The following STK32B variants were observed in gnomAD, a reference collection of about 807,000 sequenced individuals.
The protein encoded by STK32B is serine/threonine-protein kinase 32B.
Under a neutral mutation model 52.6 loss-of-function variants are expected in STK32B, and 43 were observed. The observed-to-expected ratio is 0.82, with a 90% CI of 0.64 to 1.05. The LOEUF (loss-of-function observed/expected upper bound fraction) is 1.05, where lower values mean the gene tolerates loss of function less well. Ranked by LOEUF, STK32B falls within the 50% of genes least tolerant of loss-of-function variation. The pLI is 0.00. For synonymous variants in STK32B, 238 were observed against 204.3 expected, an observed-to-expected ratio of 1.17 and a Z score of -1.41; for missense variants, 621 against 534.6, an observed-to-expected ratio of 1.16 and a Z score of -1.59.
intron 11 of STK32B, among the ~76,000 whole-genome samples, chr4:5,496,522 G>A (rs142474409): frequency 0.036 from 5,326 of 150,012 alleles, 177 homozygotes; most frequent in Non-Finnish European, 0.05. Context: ...GACCCCTTGC[G>A]CTTCCCGAGT....
intron 6 of STK32B, among the ~76,000 whole-genome samples, chr4:5,424,224 G>GA (rs1283998694): frequency 6.6e-6 from 1 of 152,166 alleles, no homozygotes. Flanking sequence ...AAGGGGTGCT[G>GA]AGGGTGGCTC....
At chr4:5,463,556 TCA>T (rs1291522511) in intron 9 of STK32B, among the ~76,000 whole-genome samples, 3 of 151,750 alleles carry the variant, frequency 2.0e-5, no homozygotes, top group African/African-American at 7.3e-5. Context: ...ACACACAGTC[TCA>T]CACACATACC....
intron 3 of STK32B, among the ~76,000 whole-genome samples, chr4:5,257,177 G>C (rs143562171): frequency 3.0e-4 from 45 of 152,296 alleles, no homozygotes; most frequent in African/African-American, 1.0e-3. Flanking sequence ...ATGAATGAGT[G>C]AGTGCACAGG....
intron 4 of STK32B, among the ~76,000 whole-genome samples, chr4:5,339,896 A>T (rs1223372855): frequency 1.3e-5 from 2 of 152,128 alleles, no homozygotes; most frequent in Middle Eastern, 3.2e-3. Flanking sequence ...GTCTGGGGGA[A>T]CTGGCCTTGA....
chr4:5,119,324 C>T (rs78973103), intron 1 of STK32B, among the ~76,000 whole-genome samples: 5 of 152,242 alleles, frequency 3.3e-5, no homozygotes, highest in South Asian at 2.1e-4. Context: ...ATTCTCTTAG[C>T]TGGAAGGACT....
intron 6 of STK32B, among the ~76,000 whole-genome samples, chr4:5,440,845 T>C (rs1453747116): frequency 1.3e-5 from 2 of 152,004 alleles, no homozygotes; most frequent in African/African-American, 4.8e-5. Context: ...AGGCCTTTTC[T>C]GCATCTATTG....
intron 1 of STK32B, among the ~76,000 whole-genome samples, chr4:5,127,315 G>T (rs575004153): frequency 3.3e-4 from 51 of 152,322 alleles, no homozygotes; most frequent in Non-Finnish European, 1.5e-4. Flanking sequence ...TTCCTGGTGA[G>T]GTTCACCTGG....
chr4:5,327,067 G>A (rs778968704), intron 3 of STK32B, among the ~76,000 whole-genome samples: 1 of 151,938 alleles, frequency 6.6e-6, no homozygotes, highest in Non-Finnish European at 1.5e-5. Context: ...TTATCCTTAG[G>A]GGAAACAACT....
intron 3 of STK32B, among the ~76,000 whole-genome samples, chr4:5,241,379 T>A (rs1725011324): frequency 6.6e-6 from 1 of 152,096 alleles, no homozygotes; most frequent in South Asian, 2.1e-4. Flanking sequence ...GCATAATAAT[T>A]TTCTTTAACA....
intron 11 of STK32B, among the ~76,000 whole-genome samples, chr4:5,474,434 G>T (rs190147644): frequency 1.7e-3 from 253 of 152,328 alleles, no homozygotes; most frequent in Non-Finnish European, 2.8e-3. Flanking sequence ...CTTTACCAAG[G>T]TCTGTGCCAT....
At position 5,284,924 on chromosome 4, in the gene STK32B, G is replaced by GAA. The variant is rs1195919068; in HGVS notation, c.261-46292_261-46291dup. On this transcript the variant is annotated intron_variant, in intron 3 of 11. Transcript: ENST00000282908. The stretch of plus-strand genomic sequence containing the variant: ...GTGCTAGAAACGCTCCCAAGAAACA[G>GAA]AAAAATCATGACATTACAAGAAAAA... 2.0e-5 allele frequency among the ~76,000 whole-genome samples: 3 copies of GAA among 152,254 alleles called. No individual in the cohort carries two copies. In the East Asian group the frequency reaches 5.8e-4, roughly 29 times the overall value.
At chr4:5,425,375 T>A (rs1713004958) in intron 6 of STK32B, among the ~76,000 whole-genome samples, 1 of 152,184 alleles carries the variant, frequency 6.6e-6, no homozygotes, top group African/African-American at 2.4e-5. Context: ...GAAAGTGAAG[T>A]TTGCTTCCCA....
Position 5,235,233 on chromosome 4 carries a change from A to G in STK32B, c.260+66783A>G, listed in dbSNP as rs577606714. On this transcript the variant is annotated intron_variant, in intron 3 of 11. Transcript: ENST00000282908. The stretch of plus-strand genomic sequence containing the variant: ...TGCCTGTTGCACATGGTGGTTGTAC[A>G]AAATGCTGTGTACACTGCACATGTG... Among the ~76,000 whole-genome samples, 12 of 152,370 alleles carry G rather than the reference A, an allele frequency of 7.9e-5. No individual in the cohort carries two copies. In the East Asian group the frequency reaches 2.1e-3, roughly 27 times the overall value.
At chr4:5,479,375 T>C (rs1718507238) in intron 11 of STK32B, among the ~76,000 whole-genome samples, 2 of 152,274 alleles carry the variant, frequency 1.3e-5, no homozygotes, top group South Asian at 2.1e-4. Context: ...CACCTCACCC[T>C]CCCAAAGTGC....
chr4:5,260,685 G>A (rs1051436455), intron 3 of STK32B, among the ~76,000 whole-genome samples: 6 of 152,196 alleles, frequency 3.9e-5, no homozygotes, highest in East Asian at 1.9e-4. Context: ...CATGTCAGAC[G>A]GGAGAGGTGG....
At chr4:5,354,300 C>G (rs991705563) in intron 4 of STK32B, among the ~76,000 whole-genome samples, 2 of 152,188 alleles carry the variant, frequency 1.3e-5, no homozygotes, top group African/African-American at 2.4e-5. Context: ...GAGTCTCACT[C>G]TGTGGCCCAG....
intron 3 of STK32B, among the ~76,000 whole-genome samples, chr4:5,281,121 G>A (rs1157507611): frequency 6.6e-6 from 1 of 150,778 alleles, no homozygotes; most frequent in African/African-American, 2.5e-5. Context: ...AAGGGGGAAG[G>A]GCTGCACACT....
chr4:5,255,538 T>C (rs1172482581), intron 3 of STK32B, among the ~76,000 whole-genome samples: 1 of 152,158 alleles, frequency 6.6e-6, no homozygotes, highest in African/African-American at 2.4e-5. Flanking sequence ...CAAATCAAGA[T>C]ACGGAACATT....
intron 11 of STK32B, among the ~76,000 whole-genome samples, chr4:5,474,302 T>C (rs1317751949): frequency 6.6e-6 from 1 of 152,156 alleles, no homozygotes; most frequent in Non-Finnish European, 1.5e-5. Context: ...CTGATGGGCC[T>C]GGGTCAAGTC....
Sources: gnomAD v4.1 joint callset for allele counts (sites outside exome capture counted in the v4.1 genomes callset) on GRCh38, gnomAD v4.1.1 for gene constraint, MANE v1.5 for transcripts, NCBI Gene and HGNC (gene_info 2026-07-23, HGNC 2026-07-21) for gene names.